ESM1: variants seen among roughly 807,000 people sequenced by gnomAD.
The protein encoded by ESM1 is endothelial cell-specific molecule 1.
In ESM1, 7 loss-of-function variants were observed where a neutral mutation model predicts 14.9. That is an observed-to-expected ratio of 0.47 (90% CI 0.27 to 0.88). ESM1 has a LOEUF of 0.88. Ranked by LOEUF, ESM1 falls within the 40% of genes least tolerant of loss-of-function variation. ESM1 has a pLI of 0.14. For missense variants in ESM1, 192 were observed against 237.9 expected (o/e 0.81, Z 1.27); for synonymous variants, 89 against 89.4 (o/e 1.00, Z 0.02).
At position 54,978,484 on chromosome 5, in the gene ESM1, C is replaced by T. The variant is rs1743980383; in HGVS notation, c.*848G>A. The T allele has an allele frequency of 6.6e-6, 1 of 151,926 alleles. No individual in the cohort carries two copies. The highest frequency in any genetic ancestry group is 2.4e-5 in the African/African-American group (1 of 41,366). The allele number at this position is 151,926 out of a possible 1,614,324, so 9.4% of individuals were successfully genotyped here. A position where few individuals can be genotyped will look rare whatever the true frequency, so the allele number is the denominator to read the frequency against. On this transcript the variant is annotated 3_prime_UTR_variant, in exon 3 of 3. Transcript: ENST00000381405. ...CAACAAATAATACTAGATTTCTTTC[C>T]TCAAGAGGATGATAAATATGGGTAG...
At chr5:54,985,090 G>A in intron 1 of ESM1, 127 bp downstream of exon 1, 1 of 796,952 alleles carries the variant, frequency 1.3e-6, no homozygotes. Context: ...TACCTGTGTG[G>A]TGCCTTGTCA....
chr5:54,978,187 G>A lies in ESM1; in HGVS notation c.*1145C>T, dbSNP rs915530391. On this transcript the variant is annotated 3_prime_UTR_variant, in exon 3 of 3. Coordinates refer to ENST00000381405, the MANE Select transcript of ESM1 (RefSeq NM_007036.5). The stretch of plus-strand genomic sequence containing the variant: ...ATATGAAAATAAACTATATTTTAAA[G>A]TTGACATGTTTTCTGCTGAAAATTG... 2 of 152,014 alleles carry A rather than the reference G, an allele frequency of 1.3e-5. No homozygotes were observed. Among genetic ancestry groups the A allele is most frequent in the African/African-American group, 2.4e-5 (1 of 41,382 alleles). 9.4% of individuals were successfully genotyped at this position (152,014 alleles called of 1,614,324 possible).
chr5:54,982,184 T>C (rs1383009534), intron 1 of ESM1, 38 bp from the exon 2 acceptor site: 2 of 1,607,680 alleles, frequency 1.2e-6, no homozygotes, highest in Non-Finnish European at 1.7e-6. Flanking sequence ...ACGCTGCTTG[T>C]TGTAAATACG....
At chr5:54,979,986 G>C (rs1188642276) in intron 2 of ESM1, among the ~76,000 whole-genome samples, 2 of 152,198 alleles carry the variant, frequency 1.3e-5, no homozygotes, top group Admixed American at 1.3e-4. Flanking sequence ...TTTGAAATTT[G>C]CTAAAATGAA....
chr5:54,979,889 G>T (rs1351748510), intron 2 of ESM1, among the ~76,000 whole-genome samples: 2 of 152,166 alleles, frequency 1.3e-5, no homozygotes, highest in Non-Finnish European at 2.9e-5. Context: ...ATTAACTTTT[G>T]CTGCATCCAG....
chr5:54,979,462 G>A (rs1744009474), intron 2 of ESM1, 27 bp from the exon 3 acceptor site: 1 of 1,440,892 alleles, frequency 6.9e-7, no homozygotes, highest in Non-Finnish European at 9.8e-7. Context: ...TACAAATCAT[G>A]TCCAAACATC....
At chr5:54,985,135 G>A in intron 1 of ESM1, 82 bp downstream of exon 1, 2 of 1,323,644 alleles carry the variant, frequency 1.5e-6, no homozygotes, top group Non-Finnish European at 2.1e-6. Flanking sequence ...TACTCTTGAG[G>A]AGCAAAGCCA....
intron 2 of ESM1, among the ~76,000 whole-genome samples, chr5:54,980,945 G>A (rs1398050931): frequency 1.3e-5 from 2 of 152,084 alleles, no homozygotes; most frequent in Admixed American, 6.5e-5. Context: ...GTGGGAAAAA[G>A]TATATCATTT....
Position 54,980,838 on chromosome 5 carries a change from A to G in ESM1, c.451+1159T>C, listed in dbSNP as rs1744038444. On this transcript the variant is annotated intron_variant, in intron 2 of 2. Transcript: ENST00000381405. ...AAGGAGGTAAAATTAGAAAACAAGC[A>G]CCTTTGCCAAATAGTTTATATTTTA... 2.0e-5 allele frequency among the ~76,000 whole-genome samples: 3 copies of G among 152,336 alleles called. No homozygotes were observed. The South Asian group carries it at 6.2e-4, about 32-fold the overall frequency.
chr5:54,980,061 C>A (rs1744021047), intron 2 of ESM1, among the ~76,000 whole-genome samples: 1 of 152,170 alleles, frequency 6.6e-6, no homozygotes, highest in South Asian at 2.1e-4. Context: ...ATGTGGAATG[C>A]TTTAAGAAGA....
chr5:54,981,233 CA>C (rs1744045826), intron 2 of ESM1, among the ~76,000 whole-genome samples: 1 of 152,088 alleles, frequency 6.6e-6, no homozygotes, highest in African/African-American at 2.4e-5. Context: ...CCATTCTGTG[CA>C]ATGGAGGCCT....
chr5:54,978,510 G>A lies in ESM1; in HGVS notation c.*822C>T, dbSNP rs2112244501. 6.6e-6 allele frequency: 1 copy of A among 151,960 alleles called. No individual in the cohort carries two copies. Among genetic ancestry groups the A allele is most frequent in the East Asian group, 1.9e-4 (1 of 5,190 alleles). The allele number at this position is 151,960 out of a possible 1,614,324, so 9.4% of individuals were successfully genotyped here. ...TCAAGAGGATGATAAATATGGGTAG[G>A]GAAGATGACTTGCACTAACACATTT... is the stretch of plus-strand genomic sequence containing the variant. On this transcript the variant is annotated 3_prime_UTR_variant, in exon 3 of 3. Transcript: ENST00000381405.
Position 54,978,468 on chromosome 5 carries a change from A to C in ESM1, c.*864T>G, listed in dbSNP as rs554351572. Reference sequence around the variant, plus strand: ...TTATTCTAACCATTTTCAACAAATAATACTAGATTTCTTTCCTCAAGAGGA... The same window carrying C: ...TTATTCTAACCATTTTCAACAAATACTACTAGATTTCTTTCCTCAAGAGGA... On this transcript the variant is annotated 3_prime_UTR_variant, in exon 3 of 3. Coordinates refer to ENST00000381405, the MANE Select transcript of ESM1 (RefSeq NM_007036.5). The C allele has an allele frequency of 2.6e-5, 4 of 152,172 alleles. No homozygotes were observed. The highest frequency in any genetic ancestry group is 5.9e-5 in the Non-Finnish European group (4 of 68,036). The allele number at this position is 152,172 out of a possible 1,614,324, so 9.4% of individuals were successfully genotyped here.
chr5:54,983,122 A>G (rs560798971), intron 1 of ESM1, among the ~76,000 whole-genome samples: 97 of 152,184 alleles, frequency 6.4e-4, no homozygotes, highest in Non-Finnish European at 1.1e-3. Context: ...TAGCAGTCTA[A>G]TACTCCACTA....
At position 54,979,327 on chromosome 5, in the gene ESM1, C is replaced by T. The variant is rs1324620670; in HGVS notation, c.*5G>A. ...AGAGCCTTCTCTCAGAAATCACAGC[C>T]GGGATCAGCGTGGATTTAACCATTT... On this transcript the variant is annotated 3_prime_UTR_variant, in exon 3 of 3. Coordinates refer to ENST00000381405, the MANE Select transcript of ESM1 (RefSeq NM_007036.5). 2.1e-5 allele frequency: 34 copies of T among 1,604,522 alleles called. No homozygotes were observed. The highest frequency in any genetic ancestry group is 4.5e-5 in the East Asian group (2 of 44,830).
chr5:54,979,198 G>T lies in ESM1; in HGVS notation c.*134C>A. The T allele has an allele frequency of 1.5e-5, 10 of 665,486 alleles. No homozygotes were observed. Among genetic ancestry groups the T allele is most frequent in the Middle Eastern group, 3.0e-4 (1 of 3,388 alleles). The allele number at this position is 665,486 out of a possible 1,614,324, so 41.2% of individuals were successfully genotyped here. ...GTAAGTATCCTACTTTTTGTTTTCTGGATCCACCATGCATCACATTTGGTC... is the reference window on the plus strand; with the variant it reads ...GTAAGTATCCTACTTTTTGTTTTCTTGATCCACCATGCATCACATTTGGTC... On this transcript the variant is annotated 3_prime_UTR_variant, in exon 3 of 3. Coordinates refer to ENST00000381405, the MANE Select transcript of ESM1 (RefSeq NM_007036.5).
chr5:54,982,212 C>G (rs1230838625), intron 1 of ESM1, 66 bp from the exon 2 acceptor site: 2 of 1,551,382 alleles, frequency 1.3e-6, no homozygotes, highest in Non-Finnish European at 1.8e-6. Flanking sequence ...CCTAACAGCC[C>G]TGGGTGCATA....
chr5:54,982,544 A>G (rs1169604403), intron 1 of ESM1, among the ~76,000 whole-genome samples: 2 of 152,220 alleles, frequency 1.3e-5, no homozygotes, highest in African/African-American at 4.8e-5. Flanking sequence ...AAGAGTTTTT[A>G]AAATGTGATG....
intron 2 of ESM1, among the ~76,000 whole-genome samples, chr5:54,980,735 A>G (rs1158024051): frequency 2.6e-5 from 4 of 152,252 alleles, no homozygotes; most frequent in African/African-American, 7.2e-5. Flanking sequence ...GGGCATCACC[A>G]TACTTAAAAC....
Sources: gnomAD v4.1 joint callset for allele counts (sites outside exome capture counted in the v4.1 genomes callset) on GRCh38, gnomAD v4.1.1 for gene constraint, MANE v1.5 for transcripts, NCBI Gene and HGNC (gene_info 2026-07-23, HGNC 2026-07-21) for gene names.